ERG: variants seen among roughly 807,000 people sequenced by gnomAD.
ERG encodes the protein transcriptional regulator ERG.
In ERG, 9 loss-of-function variants were observed where a neutral mutation model predicts 55.3. That is an observed-to-expected ratio of 0.16 (90% CI 0.10 to 0.28). ERG has a LOEUF of 0.28. Ranked by LOEUF, ERG falls within the 10% of genes least tolerant of loss-of-function variation. The pLI is 1.00. For synonymous variants in ERG, 223 were observed against 237.3 expected (o/e 0.94, Z 0.55); for missense variants, 434 against 631.6 (o/e 0.69, Z 3.35).
intron 2 of ERG, among the ~76,000 whole-genome samples, chr21:38,425,500 T>C (rs1989776648): frequency 6.6e-6 from 1 of 152,220 alleles, no homozygotes; most frequent in South Asian, 2.1e-4. Context: ...CCTTCTTAGA[T>C]GGTTAACACG....
At chr21:38,606,080 T>C (rs1362402856) in intron 1 of ERG, among the ~76,000 whole-genome samples, 1 of 151,830 alleles carries the variant, frequency 6.6e-6, no homozygotes, top group Non-Finnish European at 1.5e-5. Context: ...AGAGAGATGA[T>C]AGCTAGGTAG....
In ERG at chr21:38,595,925, A is replaced by AT. The variant is rs548367997; in HGVS notation, c.-149-10981dup. ...AGGTGCATTATGAGGTTTATTCAGC[A>AT]TTTTTTTTCTTTTGCTGAGAAAGGC... is the stretch of plus-strand genomic sequence containing the variant. On this transcript the variant is annotated intron_variant, in intron 1 of 10. Coordinates refer to the ERG transcript ENST00000398910. 1.6e-4 allele frequency among the ~76,000 whole-genome samples: 24 copies of AT among 151,614 alleles called. No homozygotes were observed. The South Asian group carries it at 4.4e-3, about 28-fold the overall frequency.
chr21:38,374,850 G>GGTTTT, the ERG span, among the ~76,000 whole-genome samples: 1 of 152,024 alleles, frequency 6.6e-6, no homozygotes, highest in African/African-American at 2.4e-5. Context: ...AGACTGCTTG[G>GGTTTT]GTTTTGTTTT....
chr21:38,406,545 G>A (rs1988781539), intron 3 of ERG, among the ~76,000 whole-genome samples: 1 of 152,182 alleles, frequency 6.6e-6, no homozygotes, highest in Admixed American at 6.5e-5. Context: ...CCCTCACAGA[G>A]AGAAGACCCC....
chr21:38,437,059 T>C (rs183220177), intron 2 of ERG, among the ~76,000 whole-genome samples: 1 of 152,190 alleles, frequency 6.6e-6, no homozygotes, highest in African/African-American at 2.4e-5. Context: ...AGCTAACTTC[T>C]GTATTTTTTG....
intron 1 of ERG, among the ~76,000 whole-genome samples, chr21:38,609,062 AC>A (rs2146925205): frequency 6.6e-6 from 1 of 152,268 alleles, no homozygotes; most frequent in South Asian, 2.1e-4. Flanking sequence ...TGGTAAAAGA[AC>A]CTACAATCCA....
intron 3 of ERG, among the ~76,000 whole-genome samples, chr21:38,410,076 A>G (rs1988975442): frequency 6.6e-6 from 1 of 152,234 alleles, no homozygotes; most frequent in Non-Finnish European, 1.5e-5. Context: ...AGTAAATGAG[A>G]TAATGGATGT....
At chr21:38,416,751 T>C (rs1989298904) in intron 3 of ERG, among the ~76,000 whole-genome samples, 2 of 151,358 alleles carry the variant, frequency 1.3e-5, no homozygotes, top group Non-Finnish European at 1.5e-5. Context: ...ATAAGAGGAG[T>C]GATTAATTTG....
At chr21:38,631,373 A>T (rs1020015477) in intron 1 of ERG, among the ~76,000 whole-genome samples, 1 of 152,072 alleles carries the variant, frequency 6.6e-6, no homozygotes, top group Non-Finnish European at 1.5e-5. Context: ...AAAAAAAAGG[A>T]ATCAGGAAGA....
intron 2 of ERG, among the ~76,000 whole-genome samples, chr21:38,437,344 G>A (rs2058800401): frequency 6.6e-6 from 1 of 152,120 alleles, no homozygotes. Flanking sequence ...TGGGGGTGGG[G>A]GCTGCAGGGG....
chr21:38,640,891 G>A (rs533984838), intron 1 of ERG, among the ~76,000 whole-genome samples: 1 of 152,356 alleles, frequency 6.6e-6, no homozygotes, highest in African/African-American at 2.4e-5. Context: ...ATGGAAGGCA[G>A]AGAACTGCTA....
At chr21:38,499,352 T>G (rs2836443), upstream of ERG, among the ~76,000 whole-genome samples, 41,618 of 152,178 alleles carry the variant, frequency 0.27, 6,784 homozygotes, top group South Asian at 0.36. Flanking sequence ...GTCACAGGTC[T>G]GTTTTCTCCT....
chr21:38,557,426 C>G (rs1568910891), intron 2 of ERG, among the ~76,000 whole-genome samples: 1 of 152,128 alleles, frequency 6.6e-6, no homozygotes, highest in African/African-American at 2.4e-5. Context: ...TTCACTCAGA[C>G]AGTGCTTCTC....
chr21:38,443,687 C>T (rs919924347), intron 2 of ERG, among the ~76,000 whole-genome samples: 33 of 151,918 alleles, frequency 2.2e-4, no homozygotes, highest in African/African-American at 8.0e-4. Context: ...TCATTAATTT[C>T]CCACAACTTT....
intron 1 of ERG, among the ~76,000 whole-genome samples, chr21:38,647,956 C>G (rs1330435389): frequency 6.6e-6 from 1 of 152,174 alleles, no homozygotes; most frequent in Admixed American, 6.5e-5. Flanking sequence ...TTTAAAACAG[C>G]AACTTATTTT....
intron 1 of ERG, among the ~76,000 whole-genome samples, chr21:38,577,366 CAAG>C (rs1390076158): frequency 6.6e-6 from 1 of 152,146 alleles, no homozygotes; most frequent in Non-Finnish European, 1.5e-5. Flanking sequence ...CTTGGCTCAC[CAAG>C]AAGATGACAT....
At position 38,597,067 on chromosome 21, in the gene ERG, T is replaced by C. The variant is rs117537118; in HGVS notation, c.-149-12122A>G. ...CTTTTTAATGGTAATATCTTCTTCTTCCTGCAGCACCGGGCTGTGGCCCAC... is the reference window on the plus strand; with the variant it reads ...CTTTTTAATGGTAATATCTTCTTCTCCCTGCAGCACCGGGCTGTGGCCCAC... On this transcript the variant is annotated intron_variant, in intron 1 of 10. Transcript: ENST00000398910. Among the ~76,000 whole-genome samples the C allele has an allele frequency of 1.6e-4, 25 of 152,340 alleles. No homozygotes were observed. The East Asian group carries it at 4.6e-3, about 28-fold the overall frequency.
intron 1 of ERG, chr21:38,450,866 A>C (rs1210359366): frequency 2.2e-6 from 1 of 452,288 alleles, no homozygotes; most frequent in Admixed American, 2.4e-5. Flanking sequence ...AAAAATGATC[A>C]TTTAATCCTT....
chr21:38,632,063 T>C (rs1462619542), intron 1 of ERG, among the ~76,000 whole-genome samples: 1 of 152,110 alleles, frequency 6.6e-6, no homozygotes, highest in African/African-American at 2.4e-5. Flanking sequence ...GTAACATGGC[T>C]CCCCTAAGAA....
Sources: gnomAD v4.1 joint callset for allele counts (sites outside exome capture counted in the v4.1 genomes callset) on GRCh38, gnomAD v4.1.1 for gene constraint, MANE v1.5 for transcripts, NCBI Gene and HGNC (gene_info 2026-07-23, HGNC 2026-07-21) for gene names.